The following DYNC2H1 variants were observed in gnomAD, a reference collection of about 807,000 sequenced individuals.
The protein encoded by DYNC2H1 is dynein cytoplasmic 2 heavy chain 1, also known as cytoplasmic dynein 2 heavy chain 1.
Under a neutral mutation model 570.0 loss-of-function variants are expected in DYNC2H1, and 410 were observed. That is an observed-to-expected ratio of 0.72 (90% CI 0.66 to 0.78). The LOEUF (loss-of-function observed/expected upper bound fraction) is 0.78. DYNC2H1 is among the 30% of genes least tolerant of loss of function. The probability of loss-of-function intolerance (pLI) is 0.00; values close to 1 mark genes in which losing one functional copy is unlikely to be tolerated. For missense variants in DYNC2H1, 4,865 were observed against 5,046.4 expected, an observed-to-expected ratio of 0.96 and a Z score of 1.09; for synonymous variants, 1,688 against 1,677.6, an observed-to-expected ratio of 1.01 and a Z score of -0.15.
chr11:103,200,620 T>TCAAATGTTTGTGATTATA (rs1448667808), intron 50 of DYNC2H1, among the ~76,000 whole-genome samples: 1 of 152,184 alleles, frequency 6.6e-6, no homozygotes, highest in Non-Finnish European at 1.5e-5. Context: ...CATGGTTGTA[T>TCAAATGTTTGTGATTATA]AACTATATAA....
chr11:103,288,234 G>A (rs571313206), intron 75 of DYNC2H1, among the ~76,000 whole-genome samples: 61 of 152,182 alleles, frequency 4.0e-4, no homozygotes, highest in Non-Finnish European at 7.9e-4. Flanking sequence ...TAGCCCCCAG[G>A]CAAGAAGGGG....
At chr11:103,432,406 G>C (rs1052917904) in intron 84 of DYNC2H1, among the ~76,000 whole-genome samples, 1 of 152,136 alleles carries the variant, frequency 6.6e-6, no homozygotes, top group Non-Finnish European at 1.5e-5. Flanking sequence ...TCAGCTGGTT[G>C]TTGTCAACTT....
chr11:103,117,230 A>ATGTATATATATATTTAATATATATAT (rs1858448517), intron 5 of DYNC2H1, among the ~76,000 whole-genome samples: 1 of 146,720 alleles, frequency 6.8e-6, no homozygotes, highest in Non-Finnish European at 1.5e-5. Context: ...TATTTAATAT[A>ATGTATATATATATTTAATATATATAT]TGTATATATA....
intron 35 of DYNC2H1, among the ~76,000 whole-genome samples, chr11:103,173,674 A>G (rs1000462642): frequency 1.3e-5 from 2 of 152,130 alleles, no homozygotes; most frequent in Non-Finnish European, 2.9e-5. Context: ...ATAGAAACTG[A>G]CATTTAGCTT....
intron 62 of DYNC2H1, 77 bp from the exon 63 acceptor site, chr11:103,236,353 A>G (rs1864219774): frequency 2.2e-6 from 2 of 923,316 alleles, no homozygotes; most frequent in East Asian, 5.0e-5. Flanking sequence ...TTTGTTTCGG[A>G]ATAAATAGCT....
intron 82 of DYNC2H1, among the ~76,000 whole-genome samples, chr11:103,339,336 C>G (rs1303078178): frequency 2.6e-5 from 4 of 152,206 alleles, no homozygotes; most frequent in Admixed American, 1.3e-4. Flanking sequence ...TGGCCACCAC[C>G]ATGTGGCTGC....
In DYNC2H1 at chr11:103,225,762, G is replaced by A. The variant is rs1364304892; in HGVS notation, c.9353+2676G>A. On this transcript the variant is annotated intron_variant, in intron 59 of 88. Transcript: ENST00000375735. ...CTTTTTTGGTTCCATATGAATTTTA[G>A]GATTGTTTTTTCTACTTCTGTGAAG... Among the ~76,000 whole-genome samples, 3 of 152,022 alleles carry A rather than the reference G, an allele frequency of 2.0e-5. No individual in the cohort carries two copies. In the East Asian group the frequency reaches 5.8e-4, roughly 29 times the overall value.
rs748108855 is a variant in DYNC2H1 at position 103,219,905 on chromosome 11, A to G, written c.8833-10A>G. The G allele has an allele frequency of 1.2e-5, 17 of 1,467,342 alleles. No individual in the cohort carries two copies. Among genetic ancestry groups the G allele is most frequent in the Non-Finnish European group, 1.6e-5 (17 of 1,095,582 alleles). The allele number at this position is 1,467,342 out of a possible 1,614,324, so 90.9% of individuals were successfully genotyped here. ...AAATTGATTGGAATGCCACTTAAAT[A>G]TTCTTATAGGATGCTAGTGAGCAAA... On this transcript the variant is annotated splice_polypyrimidine_tract_variant and intron_variant, in intron 55 of 88. Transcript: ENST00000375735.
intron 81 of DYNC2H1, among the ~76,000 whole-genome samples, chr11:103,322,997 C>A (rs1428932717): frequency 6.6e-6 from 1 of 152,064 alleles, no homozygotes; most frequent in African/African-American, 2.4e-5. Context: ...ATTTACAGGC[C>A]CCGGACTTCC....
At chr11:103,257,807 G>T in intron 69 of DYNC2H1, 56 bp downstream of exon 69, 1 of 1,329,236 alleles carries the variant, frequency 7.5e-7, no homozygotes, top group Non-Finnish European at 9.7e-7. Context: ...ACTTTACTAG[G>T]GATAGTACTT....
rs577672807 is a variant in DYNC2H1, at chr11:103,261,605, G to A, written c.10695+1628G>A. Among the ~76,000 whole-genome samples the A allele has an allele frequency of 7.0e-4, 106 of 152,288 alleles. No individual in the cohort carries two copies. The highest frequency in any genetic ancestry group is 1.4e-3 in the Non-Finnish European group (94 of 68,022). ...AGTCCAGCAGACCTGCAGCAGAGGGGCCTGACTGTTAGAAGGAAAACTAAC... is the reference window on the plus strand; with the variant it reads ...AGTCCAGCAGACCTGCAGCAGAGGGACCTGACTGTTAGAAGGAAAACTAAC... On this transcript the variant is annotated intron_variant, in intron 70 of 88. Coordinates refer to ENST00000375735, the MANE Select transcript of DYNC2H1 (RefSeq NM_001377.3). The surrounding 1 kb of genome is among the most constrained non-coding windows in gnomAD (Gnocchi z 4.8).
chr11:103,478,563 A>G (rs550114523), intron 88 of DYNC2H1, among the ~76,000 whole-genome samples: 93 of 152,312 alleles, frequency 6.1e-4, no homozygotes, highest in Middle Eastern at 6.8e-3. Flanking sequence ...TACCATGGGA[A>G]CGTAACCCAA....
intron 39 of DYNC2H1, 72 bp downstream of exon 39, chr11:103,179,305 A>T: frequency 7.2e-7 from 1 of 1,397,154 alleles, no homozygotes; most frequent in Non-Finnish European, 9.8e-7. Context: ...ATTAAGTAAA[A>T]TAAGTGTAGT....
intron 87 of DYNC2H1, among the ~76,000 whole-genome samples, chr11:103,458,297 G>A (rs1944866377): frequency 6.6e-6 from 1 of 152,042 alleles, no homozygotes; most frequent in Non-Finnish European, 1.5e-5. Flanking sequence ...TGTTTCCTAG[G>A]AGCAATAGGC....
chr11:103,427,368 A>G (rs892187019), intron 84 of DYNC2H1, among the ~76,000 whole-genome samples: 1 of 152,150 alleles, frequency 6.6e-6, no homozygotes, highest in African/African-American at 2.4e-5. Flanking sequence ...ACAGATTATC[A>G]TTTTACTTGC....
At chr11:103,161,874 T>A (rs1861108467) in intron 29 of DYNC2H1, among the ~76,000 whole-genome samples, 1 of 152,158 alleles carries the variant, frequency 6.6e-6, no homozygotes, top group Non-Finnish European at 1.5e-5. Context: ...AATTGTAACT[T>A]TTCAATTTCA....
Position 103,145,037 on chromosome 11 carries a change from C to T in DYNC2H1, c.2702+1642C>T, listed in dbSNP as rs137925411. 0.014 allele frequency among the ~76,000 whole-genome samples: 2,056 copies of T among 152,068 alleles called. 50 individuals carry two copies. The highest frequency in any genetic ancestry group is 0.046 in the African/African-American group (1,889 of 41,452). On this transcript the variant is annotated intron_variant, in intron 18 of 88. Transcript: ENST00000375735. This position sits in a 1 kb window ranked among gnomAD's most constrained non-coding sequence, Gnocchi z 4.2. Reference sequence around the variant, plus strand: ...CTGGGACTACAGGCACGTGCCACCACGCCTGGCTAATTTTTTGTATTTTTA... The same window carrying T: ...CTGGGACTACAGGCACGTGCCACCATGCCTGGCTAATTTTTTGTATTTTTA...
intron 82 of DYNC2H1, among the ~76,000 whole-genome samples, chr11:103,342,622 C>T (rs1939520707): frequency 6.6e-6 from 1 of 151,952 alleles, no homozygotes. Context: ...CCTGCCTCAG[C>T]CTCCTGAGTA....
At position 103,129,015 on chromosome 11, in the gene DYNC2H1, C is replaced by T. The variant is rs1859135085; in HGVS notation, c.1953+10C>T. On this transcript the variant is annotated intron_variant, in intron 13 of 88. Transcript: ENST00000375735. The surrounding 1 kb of genome is among the most constrained non-coding windows in gnomAD (Gnocchi z 4.1). Reference sequence around the variant, plus strand: ...TGAACAGATAATTAAGGTAAATGGGCTTTTAATTTTATTATAATTAGATTT... The same window carrying T: ...TGAACAGATAATTAAGGTAAATGGGTTTTTAATTTTATTATAATTAGATTT... 6.3e-7 allele frequency: 1 copy of T among 1,583,778 alleles called. No homozygotes were observed.
Sources: gnomAD v4.1 joint callset for allele counts (sites outside exome capture counted in the v4.1 genomes callset) on GRCh38, gnomAD v4.1.1 for gene constraint, Gnocchi (gnomAD v3.1) non-coding constraint, MANE v1.5 for transcripts, NCBI Gene and HGNC (gene_info 2026-07-23, HGNC 2026-07-21) for gene names.